DNAH10: variants seen among roughly 807,000 people sequenced by gnomAD.
DNAH10 encodes the protein dynein axonemal heavy chain 10.
A neutral mutation model predicts 506.6 loss-of-function variants in DNAH10; 348 were observed. The observed-to-expected ratio is 0.69, with a 90% CI of 0.63 to 0.75. The LOEUF is 0.75. Among genes scored for constraint, DNAH10 ranks in the 30% least tolerant of loss-of-function variants. The probability of loss-of-function intolerance (pLI) is 0.00; values close to 1 mark genes in which losing one functional copy is unlikely to be tolerated. For missense variants in DNAH10, 5,179 were observed against 5,787.1 expected (o/e 0.89, Z 3.41); for synonymous variants, 2,059 against 2,198.6 (o/e 0.94, Z 1.78).
At chr12:123,821,765 G>A (rs1337477487) in intron 24 of DNAH10, among the ~76,000 whole-genome samples, 3 of 152,126 alleles carry the variant, frequency 2.0e-5, no homozygotes, top group East Asian at 1.9e-4. Flanking sequence ...AGTTGCAAGC[G>A]GAGATTAAAA....
At chr12:123,799,112 A>G in intron 13 of DNAH10, 134 bp from the exon 14 acceptor site, 1 of 570,800 alleles carries the variant, frequency 1.8e-6, no homozygotes, top group South Asian at 8.0e-5. Context: ...CTCCAAAAAA[A>G]AAAAAAAAAA....
At chr12:123,855,323 A>G (rs1472932275) in intron 36 of DNAH10, among the ~76,000 whole-genome samples, 1 of 152,104 alleles carries the variant, frequency 6.6e-6, no homozygotes, top group Non-Finnish European at 1.5e-5. Flanking sequence ...TTTGAGATTT[A>G]TATAAAAGCA....
chr12:123,783,025 A>T lies in DNAH10; in HGVS notation c.842-82A>T. On this transcript the variant is annotated intron_variant, in intron 6 of 78. Coordinates refer to ENST00000673944, the MANE Select transcript of DNAH10 (RefSeq NM_001372106.1). ...TTATACTGATGAAGCTTGAGAGACG[A>T]CCCAGCCGGTGAACTTGAATGTTTC... The T allele has an allele frequency of 5.7e-6, 8 of 1,401,050 alleles. No homozygotes were observed. The South Asian group carries it at 9.8e-5, about 17-fold the overall frequency. 86.8% of individuals were successfully genotyped at this position (1,401,050 alleles called of 1,614,324 possible).
At chr12:123,921,324 G>A (rs7301953) in intron 65 of DNAH10, among the ~76,000 whole-genome samples, 45,063 of 152,120 alleles carry the variant, frequency 0.3, 6,790 homozygotes, top group Middle Eastern at 0.33. Context: ...TTCAGCATTC[G>A]TCGTGAAAAC....
At chr12:123,929,990 A>T in intron 72 of DNAH10, 4 of 600,818 alleles carry the variant, frequency 6.7e-6, no homozygotes, top group Non-Finnish European at 1.2e-5. Context: ...CAGGCAAGGC[A>T]TCCTCTAGCC....
At position 123,895,080 on chromosome 12, in the gene DNAH10, T is replaced by C. The variant is rs548932669; in HGVS notation, c.9280+357T>C. 3.3e-5 allele frequency among the ~76,000 whole-genome samples: 5 copies of C among 152,346 alleles called. No individual in the cohort carries two copies. In the East Asian group the frequency reaches 9.6e-4, roughly 29 times the overall value. On this transcript the variant is annotated intron_variant, in intron 54 of 78. Coordinates refer to ENST00000673944, the MANE Select transcript of DNAH10 (RefSeq NM_001372106.1). ...AACATATTGTCTCTGGCTGCTTTTA[T>C]GCTACAACCGCAAAGCTGAATAATT...
In DNAH10 at chr12:123,903,949, G is replaced by A. The variant is rs981517700; in HGVS notation, c.9815+836G>A. ...ACGGGTCTCGCAGCCGAGAGGCTCC[G>A]TTCCTGGGTCAGTAATGGGCTTCCA... On this transcript the variant is annotated intron_variant, in intron 57 of 78. Transcript: ENST00000673944. This position sits in a 1 kb window ranked among gnomAD's most constrained non-coding sequence, Gnocchi z 4.6. Among the ~76,000 whole-genome samples the A allele has an allele frequency of 4.6e-5, 7 of 152,192 alleles. No homozygotes were observed. Among genetic ancestry groups the A allele is most frequent in the Admixed American group, 1.3e-4 (2 of 15,288 alleles).
At chr12:123,767,773 A>G (rs1957102386) in intron 2 of DNAH10, 84 bp downstream of exon 2, 3 of 1,162,658 alleles carry the variant, frequency 2.6e-6, no homozygotes, top group East Asian at 2.6e-5. Context: ...GCCGTGCCAC[A>G]ATCAGTTGTA....
chr12:123,769,736 G>T (rs1318510281), intron 2 of DNAH10, among the ~76,000 whole-genome samples: 1 of 151,820 alleles, frequency 6.6e-6, no homozygotes, highest in Non-Finnish European at 1.5e-5. Flanking sequence ...TTTCTATGTG[G>T]CATTAAGTAC....
chr12:123,926,494 A>T lies in DNAH10; in HGVS notation c.11922-143A>T. The T allele has an allele frequency of 1.2e-6, 1 of 860,260 alleles. No individual in the cohort carries two copies. 53.3% of individuals were successfully genotyped at this position (860,260 alleles called of 1,614,324 possible). On this transcript the variant is annotated intron_variant, in intron 68 of 78. Transcript: ENST00000673944. The surrounding 1 kb of genome is among the most constrained non-coding windows in gnomAD (Gnocchi z 4.1). ...ACGTGCATAGAAACTAGAATCTAAA[A>T]CAGGGAAGACTGCAACGAGCTATCC...
chr12:123,926,642 T>G lies in DNAH10; in HGVS notation c.11927T>G (p.Val3976Gly). The G allele has an allele frequency of 6.2e-7, 1 of 1,613,230 alleles. No homozygotes were observed. Among genetic ancestry groups the G allele is most frequent in the South Asian group, 1.1e-5 (1 of 91,018 alleles). The change falls in exon 69 of 79, where the codon GTG becomes GGG. Residue 3976 changes from valine (V) to glycine (G), a missense_variant. Coordinates refer to ENST00000673944, the MANE Select transcript of DNAH10 (RefSeq NM_001372106.1). The surrounding 1 kb of genome is among the most constrained non-coding windows in gnomAD (Gnocchi z 4.1). ...GACTGTGTTTCTTTCACCAGGTATG[T>G]GCAGCCCCCAATGATCAGCTTTGAA... ...YVTVTMGEKY[V>G]QPPMISFEAI... is the part of the protein sequence containing the mutation.
rs140801309 is a variant in DNAH10 at position 123,908,988 on chromosome 12, C to T, written c.9816-273C>T. 2.7e-3 allele frequency among the ~76,000 whole-genome samples: 417 copies of T among 152,288 alleles called. 2 individuals carry two copies. Among genetic ancestry groups the T allele is most frequent in the Non-Finnish European group, 4.4e-3 (301 of 68,024 alleles). Reference sequence around the variant, plus strand: ...GCTGCCCCCTAACCACTGATCCAGACGCTCCGGGGACGGCCTGGGTTTGTA... The same window carrying T: ...GCTGCCCCCTAACCACTGATCCAGATGCTCCGGGGACGGCCTGGGTTTGTA... On this transcript the variant is annotated intron_variant, in intron 57 of 78. Coordinates refer to ENST00000673944, the MANE Select transcript of DNAH10 (RefSeq NM_001372106.1).
At chr12:123,799,188 C>G (rs902479856) in intron 13 of DNAH10, 58 bp from the exon 14 acceptor site, 1 of 1,454,774 alleles carries the variant, frequency 6.9e-7, no homozygotes. Flanking sequence ...CTGTGTAGAG[C>G]GAGATGAAAA....
chr12:123,881,956 A>G (rs1952530249), intron 51 of DNAH10, 143 bp downstream of exon 51: 1 of 813,408 alleles, frequency 1.2e-6, no homozygotes, highest in Non-Finnish European at 1.7e-6. Flanking sequence ...GGTTTGTTTT[A>G]TTTTTTCTTG....
Position 123,798,740 on chromosome 12 carries a change from TTTTA to T in DNAH10, c.2164-499_2164-496del, listed in dbSNP as rs930281841. Among the ~76,000 whole-genome samples, 9 of 148,234 alleles carry T rather than the reference TTTTA, an allele frequency of 6.1e-5. No individual in the cohort carries two copies. The South Asian group carries it at 6.3e-4, about 10-fold the overall frequency. ...TATATATTATTTATTATATTAACAT[TTTTA>T]TTTATTATATTTATAATGTATGTAT... On this transcript the variant is annotated intron_variant, in intron 13 of 78. Transcript: ENST00000673944.
intron 2 of DNAH10, among the ~76,000 whole-genome samples, chr12:123,770,755 G>A (rs1957222226): frequency 6.6e-6 from 1 of 152,114 alleles, no homozygotes; most frequent in Admixed American, 6.5e-5. Flanking sequence ...TAAGAGCTGA[G>A]GGAAAGCTCC....
intron 24 of DNAH10, among the ~76,000 whole-genome samples, chr12:123,821,374 A>G (rs977036913): frequency 6.6e-6 from 1 of 152,212 alleles, no homozygotes; most frequent in Non-Finnish European, 1.5e-5. Flanking sequence ...TCTAACACCC[A>G]AGCTGGGGTG....
At chr12:123,804,799 C>G (rs202241852) in intron 17 of DNAH10, 34 bp from the exon 18 acceptor site, 1 of 1,586,088 alleles carries the variant, frequency 6.3e-7, no homozygotes, top group Middle Eastern at 2.3e-4. Flanking sequence ...TCCCTGTGTT[C>G]GTGGACAGCT....
At chr12:123,819,119 C>G in intron 22 of DNAH10, 29 bp from the exon 23 acceptor site, 1 of 1,606,664 alleles carries the variant, frequency 6.2e-7, no homozygotes, top group Non-Finnish European at 8.5e-7. Flanking sequence ...CGTATTTGGG[C>G]TAAATTAATG....
Sources: gnomAD v4.1 joint callset for allele counts (sites outside exome capture counted in the v4.1 genomes callset) on GRCh38, gnomAD v4.1.1 for gene constraint, Gnocchi (gnomAD v3.1) non-coding constraint, MANE v1.5 for transcripts, NCBI Gene and HGNC (gene_info 2026-07-23, HGNC 2026-07-21) for gene names.